The following PTPRZ1 variants were observed in gnomAD, a reference collection of about 807,000 sequenced individuals.
PTPRZ1 encodes protein tyrosine phosphatase receptor type Z1.
A neutral mutation model predicts 214.1 loss-of-function variants in PTPRZ1; 82 were observed. That is an observed-to-expected ratio of 0.38 (90% CI 0.32 to 0.46). The LOEUF (loss-of-function observed/expected upper bound fraction) is 0.46. Among genes scored for constraint, PTPRZ1 ranks in the 20% least tolerant of loss-of-function variants. PTPRZ1 has a pLI of 1.00. For missense variants in PTPRZ1, 2,603 were observed against 2,748.7 expected, an observed-to-expected ratio of 0.95 and a Z score of 1.19; for synonymous variants, 945 against 987.9, an observed-to-expected ratio of 0.96 and a Z score of 0.81.
chr7:121,987,619 A>G (rs1021078720), intron 8 of PTPRZ1, among the ~76,000 whole-genome samples: 2 of 152,072 alleles, frequency 1.3e-5, no homozygotes, highest in Non-Finnish European at 2.9e-5. Flanking sequence ...ATGAGATGGT[A>G]TCTCATTGTG....
At position 122,061,503 on chromosome 7, in the gene PTPRZ1, C is replaced by A. The variant is rs1792577185; in HGVS notation, c.*283C>A. The A allele has an allele frequency of 5.0e-6, 1 of 201,496 alleles. No homozygotes were observed. Among genetic ancestry groups the A allele is most frequent in the East Asian group, 1.1e-4 (1 of 9,086 alleles). The allele number at this position is 201,496 out of a possible 1,614,324, so 12.5% of individuals were successfully genotyped here. On this transcript the variant is annotated 3_prime_UTR_variant, in exon 30 of 30. Transcript: ENST00000393386. Reference sequence around the variant, plus strand: ...CTGTATTGATTTTAACAGAAAATTTCAATTTATAGAGGTTAGGAATTCCAA... The same window carrying A: ...CTGTATTGATTTTAACAGAAAATTTAAATTTATAGAGGTTAGGAATTCCAA...
Position 122,028,599 on chromosome 7 carries a change from C to A in PTPRZ1, c.5036C>A (p.Pro1679His). 6.4e-7 allele frequency: 1 copy of A among 1,550,512 alleles called. No individual in the cohort carries two copies. The highest frequency in any genetic ancestry group is 2.2e-5 in the East Asian group (1 of 44,454). Residue 1679 changes from proline to histidine, a missense_variant, in exon 14 of 30, where the codon CCT becomes CAT. By Grantham distance (77) the Pro-to-His change is moderately conservative. Around this residue, in one of 6 missense-constraint regions of PTPRZ1, gnomAD observed 1,913 missense variants for 1,914.3 expected, o/e 1.00. Coordinates refer to ENST00000393386, the MANE Select transcript of PTPRZ1 (RefSeq NM_002851.3). ...TTTTACTTAGAGGACAGTACATCCC[C>A]TAGAGTTATATCCACACCTCCAACA... ...AHFYLEDSTSPRVISTPPTPI... is the reference protein window; with the variant it reads ...AHFYLEDSTSHRVISTPPTPI...
chr7:121,910,748 G>A (rs901763095), intron 1 of PTPRZ1, among the ~76,000 whole-genome samples: 4 of 152,060 alleles, frequency 2.6e-5, no homozygotes, highest in Admixed American at 2.0e-4. Context: ...TTGGGTAGAG[G>A]CACGATAAAT....
At chr7:122,002,174 G>T (rs1798347304) in intron 10 of PTPRZ1, among the ~76,000 whole-genome samples, 1 of 152,168 alleles carries the variant, frequency 6.6e-6, no homozygotes, top group South Asian at 2.1e-4. Flanking sequence ...AAATTGTTAT[G>T]AAGAGACTCA....
rs144914699 is a variant in PTPRZ1, at chr7:122,006,722, G to GA, written c.1287+2071dup. Among the ~76,000 whole-genome samples the GA allele has an allele frequency of 6.7e-3, 1,005 of 149,910 alleles. 6 individuals carry two copies. Among genetic ancestry groups the GA allele is most frequent in the Admixed American group, 0.01 (152 of 14,984 alleles). Reference sequence around the variant, plus strand: ...TCAGAGAAAAGTTCCTAGATAGGAGGAAAAAAAAAGCCTCAGTGCATCAGC... The same window carrying GA: ...TCAGAGAAAAGTTCCTAGATAGGAGGAAAAAAAAAAGCCTCAGTGCATCAGC... On this transcript the variant is annotated intron_variant, in intron 11 of 29. Coordinates refer to ENST00000393386, the MANE Select transcript of PTPRZ1 (RefSeq NM_002851.3).
intron 12 of PTPRZ1, among the ~76,000 whole-genome samples, chr7:122,017,538 C>CATTTATTTATTTATTTATTTATTTATTT (rs3069214): frequency 4.3e-5 from 6 of 140,112 alleles, no homozygotes; most frequent in African/African-American, 1.3e-4. Flanking sequence ...TGATACATTA[C>CATTTATTTATTTATTTATTTATTTATTT]ATTTATTTAT....
rs1472725543 is a variant in PTPRZ1, at chr7:122,012,136, A to C, written c.3090A>C (p.Thr1030=). 2 of 1,613,912 alleles carry C rather than the reference A, an allele frequency of 1.2e-6. No homozygotes were observed. Among genetic ancestry groups the C allele is most frequent in the Non-Finnish European group, 8.5e-7 (1 of 1,179,804 alleles). Residue 1030 remains threonine, a synonymous_variant, in exon 12 of 30, where the codon ACA becomes ACC. Coordinates refer to ENST00000393386, the MANE Select transcript of PTPRZ1 (RefSeq NM_002851.3). ...TTTCTGTAGCTGAATTTACATATAC[A>C]ACATCTGTGTTTGGTGATGATAATA... ...SPVSVAEFTY[T]TSVFGDDNKA...
At chr7:121,947,908 C>T (rs1796433827) in intron 2 of PTPRZ1, among the ~76,000 whole-genome samples, 1 of 152,118 alleles carries the variant, frequency 6.6e-6, no homozygotes, top group South Asian at 2.1e-4. Flanking sequence ...ATTTCACGCA[C>T]TATTGAACTG....
chr7:121,895,201 A>G (rs1286940640), intron 1 of PTPRZ1, among the ~76,000 whole-genome samples: 3 of 152,184 alleles, frequency 2.0e-5, no homozygotes, highest in Non-Finnish European at 4.4e-5. Flanking sequence ...CATTGGCCTG[A>G]AAGTCTGGCT....
chr7:122,054,891 T>C (rs566353652), intron 26 of PTPRZ1, 50 bp from the exon 27 acceptor site: 5 of 1,495,416 alleles, frequency 3.3e-6, no homozygotes, highest in East Asian at 2.4e-5. Context: ...ATCTGACTTA[T>C]TGGTCATTTT....
chr7:122,033,130 A>T (rs1799432028), intron 15 of PTPRZ1, among the ~76,000 whole-genome samples: 1 of 152,008 alleles, frequency 6.6e-6, no homozygotes, highest in South Asian at 2.1e-4. Flanking sequence ...TCACTTTTAA[A>T]GTTTTTTCTT....
intron 13 of PTPRZ1, among the ~76,000 whole-genome samples, chr7:122,026,561 C>T (rs1383011859): frequency 1.3e-5 from 2 of 152,196 alleles, no homozygotes; most frequent in East Asian, 1.9e-4. Context: ...TTCTGTGGCC[C>T]TCATGTCTCT....
chr7:122,004,723 T>C, intron 11 of PTPRZ1, 63 bp downstream of exon 11: 2 of 993,076 alleles, frequency 2.0e-6, no homozygotes, highest in Non-Finnish European at 3.0e-6. Context: ...GAATTGTTGC[T>C]TGGGTGTTAG....
At chr7:121,921,035 A>G (rs1178204064) in intron 1 of PTPRZ1, among the ~76,000 whole-genome samples, 1 of 152,164 alleles carries the variant, frequency 6.6e-6, no homozygotes, top group Non-Finnish European at 1.5e-5. Context: ...TGTAGGGCAT[A>G]GGATTACAAG....
At chr7:122,059,035 C>T in intron 28 of PTPRZ1, 93 bp downstream of exon 28, 1 of 1,221,904 alleles carries the variant, frequency 8.2e-7, no homozygotes, top group Non-Finnish European at 1.1e-6. Context: ...TGCTTTGGAC[C>T]CACTGTGATG....
intron 2 of PTPRZ1, among the ~76,000 whole-genome samples, chr7:121,932,714 ATTTAAAT>A (rs1201031142): frequency 1.3e-5 from 2 of 152,188 alleles, no homozygotes; most frequent in Non-Finnish European, 2.9e-5. Context: ...ATCAAACATT[ATTTAAAT>A]GCAATCACTT....
chr7:121,890,871 T>C (rs1215257882), intron 1 of PTPRZ1, among the ~76,000 whole-genome samples: 1 of 151,788 alleles, frequency 6.6e-6, no homozygotes, highest in East Asian at 1.9e-4. Context: ...AGAGACGGAA[T>C]TTATCTATGT....
At chr7:121,973,318 A>C (rs1797313538) in intron 4 of PTPRZ1, among the ~76,000 whole-genome samples, 1 of 152,152 alleles carries the variant, frequency 6.6e-6, no homozygotes, top group Non-Finnish European at 1.5e-5. Context: ...TTTTTGAATG[A>C]TATATATACA....
At chr7:121,905,608 A>G (rs2116283520) in intron 1 of PTPRZ1, among the ~76,000 whole-genome samples, 1 of 149,904 alleles carries the variant, frequency 6.7e-6, no homozygotes, top group Admixed American at 6.7e-5. Context: ...GTAACACTTA[A>G]CAGTGATTTC....
Sources: allele counts gnomAD v4.1 joint callset (sites outside exome capture counted in the v4.1 genomes callset), GRCh38; gene constraint gnomAD v4.1.1; regional missense constraint gnomAD v4.1.1; transcripts MANE v1.5; gene names NCBI Gene and HGNC (gene_info 2026-07-23, HGNC 2026-07-21).